CD44: variants seen among roughly 807,000 people sequenced by gnomAD.
The protein encoded by CD44 is CD44 antigen.
A neutral mutation model predicts 88.8 loss-of-function variants in CD44; 49 were observed. That is an observed-to-expected ratio of 0.55 (90% CI 0.44 to 0.70). The LOEUF (loss-of-function observed/expected upper bound fraction) is 0.70. CD44 is among the 30% of genes least tolerant of loss of function. The probability of loss-of-function intolerance (pLI) is 0.00; values close to 1 mark genes in which losing one functional copy is unlikely to be tolerated. For missense variants in CD44, 883 were observed against 913.8 expected (o/e 0.97, Z 0.43); for synonymous variants, 325 against 312.3 (o/e 1.04, Z -0.43).
chr11:35,207,016 G>A (rs1947933090), intron 11 of CD44, among the ~76,000 whole-genome samples: 1 of 152,184 alleles, frequency 6.6e-6, no homozygotes, highest in Admixed American at 6.5e-5. Flanking sequence ...ACTACACAAT[G>A]GTATGATGAC....
chr11:35,152,611 G>T (rs548240343), intron 1 of CD44, among the ~76,000 whole-genome samples: 1 of 152,300 alleles, frequency 6.6e-6, no homozygotes, highest in African/African-American at 2.4e-5. Context: ...AAACTACAAG[G>T]TCCTATTATT....
intron 3 of CD44, among the ~76,000 whole-genome samples, chr11:35,181,790 T>TTA (rs200341331): frequency 0.3 from 34,845 of 114,310 alleles, 5,590 homozygotes; most frequent in South Asian, 0.34. Context: ...TTATATAAAT[T>TTA]TATATATAAA....
At chr11:35,220,755 A>T (rs557412710) in intron 16 of CD44, among the ~76,000 whole-genome samples, 1 of 150,420 alleles carries the variant, frequency 6.6e-6, no homozygotes, top group East Asian at 2.0e-4. Context: ...TACCATTTTA[A>T]TATACGTCTT....
chr11:35,223,763 T>C (rs937212369), intron 17 of CD44, among the ~76,000 whole-genome samples: 2 of 152,214 alleles, frequency 1.3e-5, no homozygotes, highest in Non-Finnish European at 2.9e-5. Flanking sequence ...GGCCCCTTAA[T>C]GGGCTCTGTG....
intron 1 of CD44, among the ~76,000 whole-genome samples, chr11:35,158,248 C>T (rs765345018): frequency 1.3e-5 from 2 of 152,146 alleles, no homozygotes; most frequent in African/African-American, 2.4e-5. Flanking sequence ...TATCTTCTTC[C>T]AAAGGCCGGA....
intron 1 of CD44, among the ~76,000 whole-genome samples, chr11:35,141,266 C>T (rs1857861565): frequency 6.6e-6 from 1 of 152,134 alleles, no homozygotes; most frequent in South Asian, 2.1e-4. Flanking sequence ...AGCTCCAAAG[C>T]CTAGGCTTAG....
chr11:35,150,444 A>G (rs1860089838), intron 1 of CD44, among the ~76,000 whole-genome samples: 2 of 152,050 alleles, frequency 1.3e-5, no homozygotes, highest in Admixed American at 1.3e-4. Flanking sequence ...AACCAGAGAA[A>G]CTCTTGCTCA....
chr11:35,219,440 AT>A (rs1318505856), intron 16 of CD44, 53 bp downstream of exon 16: 1 of 1,331,632 alleles, frequency 7.5e-7, no homozygotes, highest in African/African-American at 1.4e-5. Flanking sequence ...CTTTCTCAGA[AT>A]GTCCCAGCAA....
At chr11:35,169,656 T>G (rs1943661513) in intron 1 of CD44, among the ~76,000 whole-genome samples, 1 of 152,186 alleles carries the variant, frequency 6.6e-6, no homozygotes, top group Admixed American at 6.5e-5. Flanking sequence ...TTCTACAACT[T>G]CAGAAATAAC....
intron 8 of CD44, 38 bp from the exon 9 acceptor site, chr11:35,201,633 A>G (rs1164860475): frequency 4.3e-6 from 7 of 1,611,182 alleles, no homozygotes; most frequent in Non-Finnish European, 5.1e-6. Context: ...AGATTGGTTG[A>G]TAACAAGTCA....
Position 35,197,829 on chromosome 11 carries a change from G to T in CD44, c.797-292G>T, listed in dbSNP as rs1946912645. 2.6e-5 allele frequency: 8 copies of T among 307,086 alleles called. 1 individual carries two copies. In the South Asian group the frequency reaches 6.4e-4, roughly 25 times the overall value. The allele number at this position is 307,086 out of a possible 1,614,324, so 19.0% of individuals were successfully genotyped here. On this transcript the variant is annotated intron_variant, in intron 6 of 17. Transcript: ENST00000428726. ...TAATAATAAACATATCTGAAAGTGT[G>T]GGGGAGTTTTCATTAGCCTTTAAAA...
intron 3 of CD44, 59 bp from the exon 4 acceptor site, chr11:35,186,773 G>T: frequency 1.1e-6 from 1 of 930,662 alleles, no homozygotes; most frequent in African/African-American, 1.6e-5. Flanking sequence ...TAATAAAAAT[G>T]AGGGTAGATT....
intron 1 of CD44, 195 bp downstream of exon 1, chr11:35,139,565 T>C (rs762149411): frequency 2.6e-6 from 2 of 768,348 alleles, no homozygotes; most frequent in South Asian, 2.7e-5. Flanking sequence ...AAGCACCATT[T>C]GGTTGAAAGA....
chr11:35,201,632 G>A (rs998356085), intron 8 of CD44, 39 bp from the exon 9 acceptor site: 2 of 1,610,298 alleles, frequency 1.2e-6, no homozygotes, highest in Admixed American at 1.7e-5. Context: ...AAGATTGGTT[G>A]ATAACAAGTC....
intron 1 of CD44, among the ~76,000 whole-genome samples, chr11:35,151,053 C>T (rs1165242337): frequency 1.3e-5 from 2 of 151,996 alleles, no homozygotes; most frequent in Admixed American, 6.5e-5. Flanking sequence ...ACAGACATCT[C>T]GATTGCATGT....
intron 9 of CD44, 103 bp downstream of exon 9, chr11:35,201,890 C>A: frequency 1.7e-6 from 2 of 1,187,896 alleles, no homozygotes; most frequent in Non-Finnish European, 2.4e-6. Flanking sequence ...CTTCTATTTC[C>A]ACTCGGTAAT....
chr11:35,177,182 A>T (rs1472423630), intron 2 of CD44: 2 of 148,336 alleles, frequency 1.3e-5, no homozygotes, highest in Non-Finnish European at 3.0e-5. Context: ...TCTTAAAAAA[A>T]ATTTTTTTTG....
intron 5 of CD44, among the ~76,000 whole-genome samples, chr11:35,194,933 G>T (rs1946590372): frequency 6.6e-6 from 1 of 152,226 alleles, no homozygotes; most frequent in African/African-American, 2.4e-5. Context: ...CTGCTGATCT[G>T]ATTCTCACAG....
chr11:35,139,625 T>C (rs1328585609), intron 1 of CD44: 1 of 736,448 alleles, frequency 1.4e-6, no homozygotes, highest in Admixed American at 1.7e-5. Context: ...GCGCGCAGTT[T>C]TGGGCGAGGT....
Sources: gnomAD v4.1 joint callset for allele counts (sites outside exome capture counted in the v4.1 genomes callset) on GRCh38, gnomAD v4.1.1 for gene constraint, MANE v1.5 for transcripts, NCBI Gene and HGNC (gene_info 2026-07-23, HGNC 2026-07-21) for gene names.